The following SOX6 variants were observed in gnomAD, a reference collection of about 807,000 sequenced individuals.
SOX6 encodes the protein SRY-box transcription factor 6.
In SOX6, 11 loss-of-function variants were observed where a neutral mutation model predicts 97.8. The ratio of observed to expected loss-of-function variants is 0.11; its 90% CI spans 0.07 to 0.19. SOX6 has a LOEUF of 0.19. SOX6 is among the 10% of genes least tolerant of loss of function. The pLI, the probability that SOX6 is intolerant of heterozygous loss-of-function variation, is 1.00. For missense variants in SOX6, 810 were observed against 1,039.5 expected (o/e 0.78, Z 3.04); for synonymous variants, 360 against 371.4 (o/e 0.97, Z 0.35).
intron 3 of SOX6, among the ~76,000 whole-genome samples, chr11:16,240,930 G>GT (rs1188620114): frequency 3.9e-5 from 6 of 151,920 alleles, no homozygotes; most frequent in African/African-American, 1.4e-4. Flanking sequence ...AGGTTTGATT[G>GT]TCCCCACAAT....
intron 6 of SOX6, among the ~76,000 whole-genome samples, chr11:16,165,624 GC>G (rs1850867711): frequency 6.6e-6 from 1 of 152,122 alleles, no homozygotes; most frequent in Non-Finnish European, 1.5e-5. Context: ...TAGGCCAGGT[GC>G]AGTGGCTCAC....
intron 4 of SOX6, among the ~76,000 whole-genome samples, chr11:16,495,538 C>T (rs1013769782): frequency 7.9e-5 from 12 of 152,302 alleles, no homozygotes; most frequent in Non-Finnish European, 1.5e-4. Flanking sequence ...TCTACCACTA[C>T]CACAATAGCT....
At chr11:16,661,238 G>T (rs561335685) in intron 3 of SOX6, among the ~76,000 whole-genome samples, 22 of 152,254 alleles carry the variant, frequency 1.4e-4, no homozygotes, top group African/African-American at 5.3e-4. Flanking sequence ...TCTGAAGTCT[G>T]CTTTGTCTGA....
intron 6 of SOX6, among the ~76,000 whole-genome samples, chr11:16,174,691 G>C (rs553269478): frequency 1.4e-4 from 21 of 151,966 alleles, no homozygotes; most frequent in African/African-American, 4.8e-4. Flanking sequence ...CTAGGCAAAT[G>C]CTTGACTTAC....
chr11:16,273,862 G>C, intron 3 of SOX6, among the ~76,000 whole-genome samples: 2 of 152,086 alleles, frequency 1.3e-5, no homozygotes, highest in East Asian at 1.9e-4. Context: ...GTCAGAAAAA[G>C]AGAAGCTGTG....
intron 3 of SOX6, among the ~76,000 whole-genome samples, chr11:16,308,571 T>G (rs962544487): frequency 3.3e-5 from 5 of 152,166 alleles, no homozygotes; most frequent in Non-Finnish European, 2.9e-5. Flanking sequence ...ATGTCGACTG[T>G]TTGGCCAGAA....
At chr11:16,214,646 T>G (rs1386439920) in intron 4 of SOX6, among the ~76,000 whole-genome samples, 2 of 152,144 alleles carry the variant, frequency 1.3e-5, no homozygotes, top group East Asian at 3.9e-4. Flanking sequence ...ACATCCCCAT[T>G]CATGACTTTA....
chr11:16,386,358 G>T (rs755194533), intron 1 of SOX6, among the ~76,000 whole-genome samples: 9 of 151,734 alleles, frequency 5.9e-5, no homozygotes, highest in Non-Finnish European at 1.2e-4. Context: ...GGGGGGTGAA[G>T]TAACTGAGTC....
intron 4 of SOX6, among the ~76,000 whole-genome samples, chr11:16,547,487 T>G (rs1282099886): frequency 1.3e-5 from 2 of 152,134 alleles, no homozygotes; most frequent in African/African-American, 4.8e-5. Flanking sequence ...TCATGTCATT[T>G]GTTGCAACAT....
At chr11:16,210,627 A>G (rs1436577652) in intron 4 of SOX6, among the ~76,000 whole-genome samples, 1 of 152,202 alleles carries the variant, frequency 6.6e-6, no homozygotes, top group Non-Finnish European at 1.5e-5. Context: ...GCAGTTCCAT[A>G]TAGGTGGAGA....
At chr11:16,422,360 A>C (rs952297312) in intron 1 of SOX6, among the ~76,000 whole-genome samples, 12 of 152,200 alleles carry the variant, frequency 7.9e-5, no homozygotes, top group Non-Finnish European at 1.6e-4. Context: ...ACTTTAGTAA[A>C]ATGATCTGTG....
chr11:16,119,264 T>C (rs1212770176), intron 6 of SOX6, among the ~76,000 whole-genome samples: 2 of 152,200 alleles, frequency 1.3e-5, no homozygotes, highest in African/African-American at 2.4e-5. Context: ...CATGGACTTA[T>C]AGTTAATTCT....
At chr11:16,476,586 A>C (rs1372868974), upstream of SOX6, among the ~76,000 whole-genome samples, 1 of 152,224 alleles carries the variant, frequency 6.6e-6, no homozygotes, top group Non-Finnish European at 1.5e-5. Flanking sequence ...TAAGAATGCC[A>C]CATTTCCATC....
At chr11:16,145,342 G>A (rs1017407662) in intron 6 of SOX6, among the ~76,000 whole-genome samples, 88 of 152,222 alleles carry the variant, frequency 5.8e-4, no homozygotes, top group Middle Eastern at 3.4e-3. Flanking sequence ...GTATTGATGG[G>A]ACATATCTCA....
intron 3 of SOX6, among the ~76,000 whole-genome samples, chr11:16,629,891 GTTC>G (rs2133994858): frequency 6.6e-6 from 1 of 152,190 alleles, no homozygotes; most frequent in African/African-American, 2.4e-5. Context: ...GCATAGAGAT[GTTC>G]ATAATATTTT....
At chr11:16,085,271 T>C (rs1296029494) in intron 9 of SOX6, among the ~76,000 whole-genome samples, 1 of 152,172 alleles carries the variant, frequency 6.6e-6, no homozygotes. Context: ...TGAGGACTGG[T>C]TGGGGCACAT....
At chr11:16,313,855 C>T (rs556636005) in intron 3 of SOX6, 1 of 151,654 alleles carries the variant, frequency 6.6e-6, no homozygotes, top group African/African-American at 2.4e-5. Context: ...ACTCTTTGAA[C>T]CATTCTTCTG....
At chr11:16,486,181 T>C (rs1860430991) in intron 4 of SOX6, among the ~76,000 whole-genome samples, 1 of 152,030 alleles carries the variant, frequency 6.6e-6, no homozygotes, top group Non-Finnish European at 1.5e-5. Context: ...AAAATTTGTA[T>C]TTTGACGTCT....
At chr11:16,376,908 G>A (rs998136488) in intron 1 of SOX6, among the ~76,000 whole-genome samples, 5 of 151,422 alleles carry the variant, frequency 3.3e-5, no homozygotes, top group African/African-American at 1.2e-4. Context: ...GGGGTGACAG[G>A]GAATATATGA....
Sources: allele counts gnomAD v4.1 joint callset (sites outside exome capture counted in the v4.1 genomes callset), GRCh38; gene constraint gnomAD v4.1.1; transcripts MANE v1.5; gene names NCBI Gene and HGNC (gene_info 2026-07-23, HGNC 2026-07-21).